Variants in PHAF1 observed in about 807,000 individuals in gnomAD.
The protein encoded by PHAF1 is phagosome assembly factor 1.
Under a neutral mutation model 63.1 loss-of-function variants are expected in PHAF1, and 23 were observed. That is an observed-to-expected ratio of 0.36 (90% CI 0.26 to 0.52). PHAF1 has a LOEUF of 0.52. Among genes scored for constraint, PHAF1 ranks in the 20% least tolerant of loss-of-function variants. The pLI, the probability that PHAF1 is intolerant of heterozygous loss-of-function variation, is 0.93. For missense variants in PHAF1, 427 were observed against 517.2 expected, an observed-to-expected ratio of 0.83 and a Z score of 1.69; for synonymous variants, 167 against 185.0, an observed-to-expected ratio of 0.90 and a Z score of 0.79.
intron 2 of PHAF1, among the ~76,000 whole-genome samples, chr16:67,121,337 G>A (rs1242497319): frequency 4.7e-5 from 7 of 147,458 alleles, no homozygotes; most frequent in Non-Finnish European, 7.5e-5. Flanking sequence ...GACTACAGGC[G>A]CCCACCACCA....
intron 2 of PHAF1, among the ~76,000 whole-genome samples, chr16:67,125,167 G>A (rs1319046480): frequency 6.6e-6 from 1 of 152,154 alleles, no homozygotes; most frequent in Non-Finnish European, 1.5e-5. Flanking sequence ...CTGGAGGGAA[G>A]GGATGAAAGT....
intron 1 of PHAF1, among the ~76,000 whole-genome samples, chr16:67,118,553 TCTTGAA>T (rs1391696495): frequency 6.6e-6 from 1 of 151,648 alleles, no homozygotes; most frequent in East Asian, 2.0e-4. Flanking sequence ...GCTAGGTTGG[TCTTGAA>T]CTTCTAACCT....
At chr16:67,146,431 T>A in intron 15 of PHAF1, 81 bp downstream of exon 15, 1 of 1,422,522 alleles carries the variant, frequency 7.0e-7, no homozygotes, top group Middle Eastern at 1.8e-4. Flanking sequence ...GGAGGGAAAT[T>A]GGGGAGGGCA....
chr16:67,143,813 G>T (rs1963892756), intron 10 of PHAF1, among the ~76,000 whole-genome samples: 1 of 152,098 alleles, frequency 6.6e-6, no homozygotes, highest in African/African-American at 2.4e-5. Context: ...ATGGGGCCAG[G>T]CACGGTGGCT....
chr16:67,144,600 A>G (rs1007681345), intron 11 of PHAF1, among the ~76,000 whole-genome samples: 19 of 152,190 alleles, frequency 1.2e-4, no homozygotes, highest in African/African-American at 3.9e-4. Context: ...ATAAGTTCAG[A>G]AAGCTTGATG....
chr16:67,146,756 G>T (rs569101646), intron 15 of PHAF1, among the ~76,000 whole-genome samples: 1 of 152,310 alleles, frequency 6.6e-6, no homozygotes, highest in East Asian at 1.9e-4. Flanking sequence ...TGACTTGGGA[G>T]AACAGCAAGC....
In PHAF1 at chr16:67,146,280, C is replaced by G. The variant is rs768099145; in HGVS notation, c.1112C>G (p.Ser371Cys). ...PVEKPVVLHR[S>C]SSPNNTNPFG... ...AATTCTGAATTCTTTGGCCTCAGGT[C>G]TTCCTCCCCAAACAACACCAACCCA... The change falls in exon 15 of 16, where the codon TCT becomes TGT. Residue 371 changes from serine to cysteine, a missense_variant and splice_region_variant. Transcript: ENST00000219139. 8.1e-6 allele frequency: 13 copies of G among 1,613,688 alleles called. No homozygotes were observed. Among genetic ancestry groups the G allele is most frequent in the African/African-American group, 1.3e-5 (1 of 74,888 alleles).
intron 1 of PHAF1, among the ~76,000 whole-genome samples, chr16:67,115,691 T>C (rs1962706581): frequency 6.6e-6 from 1 of 152,222 alleles, no homozygotes; most frequent in Admixed American, 6.5e-5. Flanking sequence ...ATATAGTTAG[T>C]TCCCTTTAGA....
At chr16:67,120,036 C>G in intron 1 of PHAF1, 76 bp from the exon 2 acceptor site, 1 of 1,250,730 alleles carries the variant, frequency 8.0e-7, no homozygotes, top group East Asian at 2.3e-5. Context: ...ACTGCAGGGA[C>G]CAGTGCCTAG....
At chr16:67,132,193 A>G (rs1032262175) in intron 4 of PHAF1, 10 of 379,144 alleles carry the variant, frequency 2.6e-5, no homozygotes, top group African/African-American at 1.7e-4. Context: ...TCTCTTCTCT[A>G]CCCTTTTCTT....
At chr16:67,139,812 G>C in intron 8 of PHAF1, 172 bp from the exon 9 acceptor site, 1 of 660,240 alleles carries the variant, frequency 1.5e-6, no homozygotes, top group Non-Finnish European at 2.6e-6. Context: ...TTTGAATAGC[G>C]ATCTCTTGTA....
chr16:67,123,514 T>C (rs1567642018), intron 2 of PHAF1, among the ~76,000 whole-genome samples: 1 of 151,850 alleles, frequency 6.6e-6, no homozygotes. Flanking sequence ...GAGGCGGAGG[T>C]TGCAGTGAGC....
chr16:67,121,637 A>G (rs1962981723), intron 2 of PHAF1, among the ~76,000 whole-genome samples: 1 of 148,254 alleles, frequency 6.7e-6, no homozygotes, highest in South Asian at 2.1e-4. Flanking sequence ...CTGGAGTGCA[A>G]TGGTGCAATC....
At chr16:67,115,212 TG>T (rs1323623642) in intron 1 of PHAF1, among the ~76,000 whole-genome samples, 1 of 152,164 alleles carries the variant, frequency 6.6e-6, no homozygotes, top group Non-Finnish European at 1.5e-5. Flanking sequence ...GCACAGTGAT[TG>T]GGTGCTGGGA....
chr16:67,111,469 C>T (rs759281231), intron 1 of PHAF1, among the ~76,000 whole-genome samples: 2 of 152,212 alleles, frequency 1.3e-5, no homozygotes, highest in African/African-American at 2.4e-5. Flanking sequence ...ACTAAATCAG[C>T]TGCTCCATTG....
At chr16:67,112,421 A>T (rs1384085373) in intron 1 of PHAF1, among the ~76,000 whole-genome samples, 1 of 150,188 alleles carries the variant, frequency 6.7e-6, no homozygotes, top group African/African-American at 2.5e-5. Context: ...CTGTAGTCTT[A>T]ACTACTCGGG....
At chr16:67,116,436 G>A (rs112646235) in intron 1 of PHAF1, among the ~76,000 whole-genome samples, 1 of 152,134 alleles carries the variant, frequency 6.6e-6, no homozygotes, top group African/African-American at 2.4e-5. Context: ...TTGACCTGGA[G>A]GCCAACTGAT....
At chr16:67,145,331 A>G in intron 12 of PHAF1, 45 bp from the exon 13 acceptor site, 1 of 1,610,464 alleles carries the variant, frequency 6.2e-7, no homozygotes, top group Non-Finnish European at 8.5e-7. Flanking sequence ...GGCCACAGGT[A>G]GGCTGGGCCA....
intron 6 of PHAF1, among the ~76,000 whole-genome samples, chr16:67,133,508 A>G (rs893630722): frequency 6.7e-5 from 10 of 150,348 alleles, no homozygotes; most frequent in Admixed American, 6.6e-4. Context: ...TATTAAAAAA[A>G]AAAAAAAAAA....
Sources: allele counts gnomAD v4.1 joint callset (sites outside exome capture counted in the v4.1 genomes callset), GRCh38; gene constraint gnomAD v4.1.1; transcripts MANE v1.5; gene names NCBI Gene and HGNC (gene_info 2026-07-23, HGNC 2026-07-21).